Variants in ADTRP observed in about 807,000 individuals in gnomAD.
The protein encoded by ADTRP is androgen-dependent TFPI-regulating protein.
ADTRP carries 20 observed loss-of-function variants against 27.0 expected under a neutral mutation model. The ratio of observed to expected loss-of-function variants is 0.74; its 90% CI spans 0.52 to 1.08. The LOEUF is 1.08. Ranked by LOEUF, ADTRP falls within the 50% of genes least tolerant of loss-of-function variation. The pLI, the probability that ADTRP is intolerant of heterozygous loss-of-function variation, is 0.00. For synonymous variants in ADTRP, 101 were observed against 105.2 expected, an observed-to-expected ratio of 0.96 and a Z score of 0.25; for missense variants, 251 against 275.0, an observed-to-expected ratio of 0.91 and a Z score of 0.62.
chr6:11,776,027 G>A (rs188171716), intron 1 of ADTRP, among the ~76,000 whole-genome samples: 2 of 118,662 alleles, frequency 1.7e-5, no homozygotes, highest in Admixed American at 1.9e-4. Flanking sequence ...TTAATCATTA[G>A]GAGACACAAC....
At chr6:11,757,819 C>T (rs1056417858) in intron 3 of ADTRP, among the ~76,000 whole-genome samples, 10 of 152,226 alleles carry the variant, frequency 6.6e-5, no homozygotes, top group African/African-American at 2.4e-4. Context: ...CTGGAGCCTT[C>T]TGAGAGAGTA....
At chr6:11,777,609 G>A (rs1023467952) in intron 1 of ADTRP, among the ~76,000 whole-genome samples, 12 of 152,168 alleles carry the variant, frequency 7.9e-5, no homozygotes, top group Non-Finnish European at 1.8e-4. Flanking sequence ...AGTTTTCAAA[G>A]ACACTAGAGC....
intron 4 of ADTRP, among the ~76,000 whole-genome samples, chr6:11,729,618 A>T (rs1370244394): frequency 6.6e-6 from 1 of 151,984 alleles, no homozygotes; most frequent in Non-Finnish European, 1.5e-5. Context: ...CCTCAGCCCC[A>T]TCTTTCTTGA....
At chr6:11,756,955 T>G (rs1763231500) in intron 3 of ADTRP, among the ~76,000 whole-genome samples, 1 of 152,198 alleles carries the variant, frequency 6.6e-6, no homozygotes, top group African/African-American at 2.4e-5. Context: ...GAAGATGAAT[T>G]AGGGCTCACT....
chr6:11,751,683 C>T (rs1388672632), intron 3 of ADTRP, among the ~76,000 whole-genome samples: 1 of 152,216 alleles, frequency 6.6e-6, no homozygotes, highest in Non-Finnish European at 1.5e-5. Context: ...TCCAAACCTC[C>T]GTTCTGAGAT....
intron 3 of ADTRP, chr6:11,736,068 T>G (rs1762542161): frequency 6.2e-6 from 1 of 162,420 alleles, no homozygotes; most frequent in Non-Finnish European, 1.3e-5. Context: ...GTTCAAGCAA[T>G]TCTCCTGCCT....
At position 11,725,899 on chromosome 6, in the gene ADTRP, C is replaced by CAAAAAAAAAAAAA. The variant is rs59048593; in HGVS notation, c.507-2412_507-2400dup. On this transcript the variant is annotated intron_variant, in intron 4 of 5. Coordinates refer to ENST00000414691, the MANE Select transcript of ADTRP (RefSeq NM_032744.4). ...TGGGCGAGAGAATGAGACTCTATCT[C>CAAAAAAAAAAAAA]AAAAAAAAAAAAAAAAGGAATTGAA... Among the ~76,000 whole-genome samples, 134 of 89,912 alleles carry CAAAAAAAAAAAAA rather than the reference C, an allele frequency of 1.5e-3. 4 individuals carry two copies. Among genetic ancestry groups the CAAAAAAAAAAAAA allele is most frequent in the African/African-American group, 5.5e-3 (129 of 23,660 alleles). The allele number at this position is 89,912 out of a possible 152,430, so 59.0% of individuals were successfully genotyped here. A position where few individuals can be genotyped will look rare whatever the true frequency, so the allele number is the denominator to read the frequency against.
chr6:11,720,304 C>A (rs561939028), intron 5 of ADTRP, among the ~76,000 whole-genome samples: 5 of 152,156 alleles, frequency 3.3e-5, no homozygotes, highest in African/African-American at 9.6e-5. Flanking sequence ...AGTGCCCAAG[C>A]CTAGACAATA....
At chr6:11,722,522 T>C (rs1324796133) in intron 5 of ADTRP, among the ~76,000 whole-genome samples, 1 of 152,080 alleles carries the variant, frequency 6.6e-6, no homozygotes, top group Non-Finnish European at 1.5e-5. Context: ...GCCATCCTTA[T>C]ATACAGAATC....
chr6:11,777,976 G>A (rs1010266133), intron 1 of ADTRP, among the ~76,000 whole-genome samples: 2 of 152,068 alleles, frequency 1.3e-5, no homozygotes, highest in African/African-American at 4.8e-5. Flanking sequence ...CACTTCATCA[G>A]AATGCAGTCA....
chr6:11,715,518 G>C (rs210913), intron 5 of ADTRP, among the ~76,000 whole-genome samples: 128,681 of 151,800 alleles, frequency 0.85, 54,644 homozygotes, highest in East Asian at 1. Flanking sequence ...TCAAAACTCT[G>C]TCTTCTTCGT....
intron 5 of ADTRP, among the ~76,000 whole-genome samples, chr6:11,721,704 T>C (rs984726425): frequency 1.1e-4 from 17 of 152,128 alleles, no homozygotes; most frequent in Admixed American, 1.1e-3. Context: ...TGCATGTACA[T>C]GAGGTAGTTG....
chr6:11,748,637 A>G (rs1762943180), intron 3 of ADTRP, among the ~76,000 whole-genome samples: 1 of 152,252 alleles, frequency 6.6e-6, no homozygotes, highest in South Asian at 2.1e-4. Flanking sequence ...GTACCAGAAC[A>G]CAAGTGGAGG....
rs575642948 is a variant in ADTRP at position 11,778,768 on chromosome 6, C to T, written c.-9G>A. The T allele has an allele frequency of 8.1e-6, 13 of 1,612,484 alleles. No homozygotes were observed. In the South Asian group the frequency reaches 1.1e-4, roughly 14 times the overall value. On this transcript the variant is annotated 5_prime_UTR_variant, in exon 1 of 6. Coordinates refer to ENST00000414691, the MANE Select transcript of ADTRP (RefSeq NM_032744.4). The stretch of plus-strand genomic sequence containing the variant: ...GTAGAAGTCTTCGTCATGGCGAGTG[C>T]TGACCGGGGCACCGTGAATGTCTTG...
intron 3 of ADTRP, among the ~76,000 whole-genome samples, chr6:11,744,678 C>G (rs1336784988): frequency 6.6e-6 from 1 of 152,200 alleles, no homozygotes; most frequent in African/African-American, 2.4e-5. Flanking sequence ...CTCCATGCTT[C>G]TTTGCCTGGC....
intron 5 of ADTRP, among the ~76,000 whole-genome samples, chr6:11,722,606 GTTAC>G (rs1453217884): frequency 6.6e-6 from 1 of 152,076 alleles, no homozygotes; most frequent in Non-Finnish European, 1.5e-5. Context: ...CTTTCTGGTA[GTTAC>G]TTTTCCAACA....
chr6:11,746,899 G>T (rs1016769499), intron 3 of ADTRP, among the ~76,000 whole-genome samples: 2 of 152,152 alleles, frequency 1.3e-5, no homozygotes, highest in African/African-American at 2.4e-5. Context: ...ATTCTTGGAT[G>T]TGGAGCCAGG....
chr6:11,750,730 A>C (rs1191807969), intron 3 of ADTRP, among the ~76,000 whole-genome samples: 1 of 152,176 alleles, frequency 6.6e-6, no homozygotes, highest in Non-Finnish European at 1.5e-5. Context: ...TTTAATCACT[A>C]GTTCTCTTTC....
At chr6:11,766,699 C>A (rs190224759) in intron 2 of ADTRP, among the ~76,000 whole-genome samples, 87 of 152,298 alleles carry the variant, frequency 5.7e-4, no homozygotes, top group Admixed American at 1.3e-3. Context: ...TAACCAATAA[C>A]TTCTTTTTCT....
Sources: allele counts gnomAD v4.1 joint callset (sites outside exome capture counted in the v4.1 genomes callset), GRCh38; gene constraint gnomAD v4.1.1; transcripts MANE v1.5; gene names NCBI Gene and HGNC (gene_info 2026-07-23, HGNC 2026-07-21).